The following NAV2 variants were observed in gnomAD, a reference collection of about 807,000 sequenced individuals.
NAV2 encodes helicase, APC down-regulated 1.
Under a neutral mutation model 223.2 loss-of-function variants are expected in NAV2, and 54 were observed. The observed-to-expected ratio is 0.24, with a 90% CI of 0.19 to 0.30. The LOEUF (loss-of-function observed/expected upper bound fraction) is 0.30. Among genes scored for constraint, NAV2 ranks in the 10% least tolerant of loss-of-function variants. The probability of loss-of-function intolerance (pLI) is 1.00; values close to 1 mark genes in which losing one functional copy is unlikely to be tolerated. For synonymous variants in NAV2, 1,279 were observed against 1,239.3 expected, an observed-to-expected ratio of 1.03 and a Z score of -0.67; for missense variants, 2,806 against 3,147.5, an observed-to-expected ratio of 0.89 and a Z score of 2.60.
rs77663999 is a variant in NAV2, at chr11:19,836,117, G to T, written c.385+3516G>T. Among the ~76,000 whole-genome samples, 811 of 152,262 alleles carry T rather than the reference G, an allele frequency of 5.3e-3. 20 individuals carry two copies. In the East Asian group the frequency reaches 0.071, roughly 13 times the overall value. On this transcript the variant is annotated intron_variant, in intron 2 of 37. Transcript: ENST00000349880. Reference sequence around the variant, plus strand: ...TTTTATTCACTACCAGCCTGGGTTGGATTGTTTCCAATAGGTGGCCCGAAT... The same window carrying T: ...TTTTATTCACTACCAGCCTGGGTTGTATTGTTTCCAATAGGTGGCCCGAAT...
intron 22 of NAV2, among the ~76,000 whole-genome samples, chr11:20,070,557 C>T (rs1225839765): frequency 6.6e-6 from 1 of 152,104 alleles, no homozygotes; most frequent in East Asian, 1.9e-4. Flanking sequence ...GGCACTGAAT[C>T]CAGTATTGTT....
intron 1 of NAV2, among the ~76,000 whole-genome samples, chr11:19,406,000 C>T (rs531961280): frequency 2.6e-5 from 4 of 152,096 alleles, no homozygotes; most frequent in African/African-American, 4.8e-5. Flanking sequence ...TGGCATTGGT[C>T]GGTGGGGAAG....
intron 1 of NAV2, among the ~76,000 whole-genome samples, chr11:19,633,980 A>G (rs1217545030): frequency 1.3e-5 from 2 of 152,204 alleles, no homozygotes; most frequent in Non-Finnish European, 2.9e-5. Flanking sequence ...ATAAATTTAA[A>G]CAGCCTAGCA....
intron 10 of NAV2, among the ~76,000 whole-genome samples, chr11:19,962,011 T>C (rs1003151820): frequency 5.3e-5 from 8 of 151,776 alleles, no homozygotes; most frequent in African/African-American, 1.2e-4. Flanking sequence ...GGTCATGTCA[T>C]TGAGCAAGTC....
chr11:19,474,181 C>G (rs2042048921), intron 1 of NAV2, among the ~76,000 whole-genome samples: 2 of 152,188 alleles, frequency 1.3e-5, no homozygotes, highest in Admixed American at 6.5e-5. Context: ...GTCCTTTTTG[C>G]CTGCAGCCAT....
chr11:19,490,259 A>C (rs2042580908), intron 1 of NAV2, among the ~76,000 whole-genome samples: 1 of 152,188 alleles, frequency 6.6e-6, no homozygotes, highest in African/African-American at 2.4e-5. Context: ...ATTTCTTAAA[A>C]TAAGTCAACA....
chr11:19,842,627 A>C (rs2060571356), intron 2 of NAV2, among the ~76,000 whole-genome samples: 1 of 152,098 alleles, frequency 6.6e-6, no homozygotes, highest in Admixed American at 6.5e-5. Flanking sequence ...TCACTCCAAG[A>C]CTGTCATCGA....
intron 6 of NAV2, among the ~76,000 whole-genome samples, chr11:19,932,236 C>CAAAAAAAAAAAAAAAAAAAAAAAAAAA (rs398015484): frequency 3.8e-5 from 3 of 78,986 alleles, no homozygotes; most frequent in Non-Finnish European, 6.3e-5. Context: ...CACTCTTAAG[C>CAAAAAAAAAAAAAAAAAAAAAAAAAAA]AAAAAAAAAA....
intron 10 of NAV2, among the ~76,000 whole-genome samples, chr11:19,976,409 G>A (rs546949463): frequency 2.0e-4 from 30 of 152,260 alleles, no homozygotes; most frequent in Non-Finnish European, 3.7e-4. Context: ...CTCAGCACTG[G>A]CTTTAGGAAG....
chr11:19,681,478 G>T, intron 1 of NAV2, among the ~76,000 whole-genome samples: 1 of 152,188 alleles, frequency 6.6e-6, no homozygotes, highest in East Asian at 1.9e-4. Flanking sequence ...TGTGTGAAAT[G>T]GCTAGCTGAG....
At chr11:19,440,875 C>T (rs888937303) in intron 1 of NAV2, among the ~76,000 whole-genome samples, 1 of 152,166 alleles carries the variant, frequency 6.6e-6, no homozygotes, top group Non-Finnish European at 1.5e-5. Flanking sequence ...CACCTCTGCC[C>T]CATCGCTAAG....
chr11:19,723,891 A>T (rs2050991803), intron 1 of NAV2, among the ~76,000 whole-genome samples: 1 of 152,180 alleles, frequency 6.6e-6, no homozygotes, highest in Admixed American at 6.5e-5. Flanking sequence ...ACTCATGTTT[A>T]CTTCAAAATG....
intron 19 of NAV2, chr11:20,056,689 A>G (rs1170518783): frequency 6.4e-6 from 7 of 1,097,780 alleles, no homozygotes; most frequent in Admixed American, 1.7e-5. Context: ...GATGGGGCTG[A>G]TGGGACATTG....
At chr11:19,402,018 G>A (rs187580723) in intron 1 of NAV2, 1 of 152,086 alleles carries the variant, frequency 6.6e-6, no homozygotes, top group African/African-American at 2.4e-5. Context: ...GATTTCTAAG[G>A]GTCCCTCATT....
intron 1 of NAV2, among the ~76,000 whole-genome samples, chr11:19,611,512 A>G (rs188501657): frequency 1.8e-3 from 271 of 152,304 alleles, no homozygotes; most frequent in African/African-American, 6.2e-3. Context: ...CCTAGATACA[A>G]TGGGGGTACA....
chr11:19,389,029 A>G (rs112913836), intron 1 of NAV2, among the ~76,000 whole-genome samples: 37 of 152,306 alleles, frequency 2.4e-4, no homozygotes, highest in African/African-American at 8.2e-4. Context: ...TTGGCATAAC[A>G]TTCTGGTTTT....
intron 1 of NAV2, among the ~76,000 whole-genome samples, chr11:19,555,012 C>CAAAAAA (rs66625282): frequency 7.1e-6 from 1 of 141,552 alleles, no homozygotes; most frequent in African/African-American, 2.7e-5. Flanking sequence ...CCATGTTTTG[C>CAAAAAA]AAAAAAAAAA....
chr11:19,355,172 A>G (rs1329519470), intron 1 of NAV2, among the ~76,000 whole-genome samples: 2 of 151,576 alleles, frequency 1.3e-5, no homozygotes, highest in East Asian at 3.9e-4. Flanking sequence ...ATTTTTCTCT[A>G]CTCTTCTTTA....
chr11:19,498,418 GC>G (rs750409520), intron 1 of NAV2, among the ~76,000 whole-genome samples: 1 of 152,212 alleles, frequency 6.6e-6, no homozygotes, highest in Non-Finnish European at 1.5e-5. Flanking sequence ...GCCTCAGTAT[GC>G]TTTTCTTGAA....
Sources: allele counts gnomAD v4.1 joint callset (sites outside exome capture counted in the v4.1 genomes callset), GRCh38; gene constraint gnomAD v4.1.1; transcripts MANE v1.5; gene names NCBI Gene and HGNC (gene_info 2026-07-23, HGNC 2026-07-21).